NRIP1: variants seen among roughly 807,000 people sequenced by gnomAD.
NRIP1 encodes nuclear receptor interacting protein 1.
NRIP1 carries 28 observed loss-of-function variants against 75.0 expected under a neutral mutation model. That is an observed-to-expected ratio of 0.37 (90% confidence interval 0.28 to 0.51). NRIP1 has a LOEUF of 0.51. Ranked by LOEUF, NRIP1 falls within the 20% of genes least tolerant of loss-of-function variation. The pLI, the probability that NRIP1 is intolerant of heterozygous loss-of-function variation, is 0.92. For missense variants in NRIP1, 1,435 were observed against 1,343.7 expected (o/e 1.07, Z -1.06); for synonymous variants, 526 against 487.6 (o/e 1.08, Z -1.04).
At chr21:15,048,878 C>T (rs542250430) in intron 1 of NRIP1, among the ~76,000 whole-genome samples, 147 of 152,264 alleles carry the variant, frequency 9.7e-4, no homozygotes, top group African/African-American at 3.4e-3. Context: ...TGTGGCAGCA[C>T]CTTTTCCATC....
At chr21:14,970,635 A>C (rs943876632) in intron 3 of NRIP1, among the ~76,000 whole-genome samples, 1 of 152,220 alleles carries the variant, frequency 6.6e-6, no homozygotes, top group African/African-American at 2.4e-5. Context: ...GGGATATGCA[A>C]GTCCACTGTA....
In NRIP1 at chr21:15,021,704, GA is replaced by G. The variant is rs199588973; in HGVS notation, c.-457-7239del. ...ACAAAGAGTTTAAATAAATTTACAA[GA>G]AAAAAAACATTAAAAGGTGAACAAA... is the stretch of plus-strand genomic sequence containing the variant. On this transcript the variant is annotated intron_variant, in intron 2 of 3. Transcript: ENST00000318948. Among the ~76,000 whole-genome samples, 258 of 147,480 alleles carry G rather than the reference GA, an allele frequency of 1.7e-3. 7 individuals carry two copies. The East Asian group carries it at 0.03, about 17-fold the overall frequency.
chr21:14,980,394 A>T (rs2087199720), intron 3 of NRIP1, among the ~76,000 whole-genome samples: 1 of 152,070 alleles, frequency 6.6e-6, no homozygotes, highest in South Asian at 2.1e-4. Context: ...GAATCGCTTA[A>T]ACCTGGAAGG....
chr21:14,982,376 T>C (rs993073819), intron 3 of NRIP1, among the ~76,000 whole-genome samples: 5 of 152,076 alleles, frequency 3.3e-5, no homozygotes, highest in African/African-American at 1.2e-4. Flanking sequence ...TTAGTGCCCT[T>C]CCCCCCATAT....
chr21:14,975,790 T>G (rs2087048621), intron 3 of NRIP1, among the ~76,000 whole-genome samples: 1 of 152,094 alleles, frequency 6.6e-6, no homozygotes, highest in Admixed American at 6.6e-5. Context: ...TTTAGCCTTT[T>G]TTTTAAAGGA....
chr21:14,986,418 T>C (rs1464844909), intron 3 of NRIP1, among the ~76,000 whole-genome samples: 2 of 152,214 alleles, frequency 1.3e-5, no homozygotes, highest in Non-Finnish European at 2.9e-5. Context: ...TTTACCATAT[T>C]AGCATGTTAC....
chr21:15,020,258 T>C (rs370855516), intron 2 of NRIP1, among the ~76,000 whole-genome samples: 1 of 152,172 alleles, frequency 6.6e-6, no homozygotes, highest in African/African-American at 2.4e-5. Context: ...AAGATACACA[T>C]ATAGACAATG....
chr21:14,998,810 A>G (rs765567689), intron 3 of NRIP1, among the ~76,000 whole-genome samples: 1 of 152,224 alleles, frequency 6.6e-6, no homozygotes, highest in Non-Finnish European at 1.5e-5. Flanking sequence ...TACCTATAAC[A>G]TATAAAATAC....
In NRIP1 at chr21:15,055,942, A is replaced by G. The variant is rs191769203; in HGVS notation, c.-538+8803T>C. On this transcript the variant is annotated intron_variant, in intron 1 of 3. Coordinates refer to ENST00000318948, the MANE Select transcript of NRIP1 (RefSeq NM_003489.4). ...CACATGGATCCCCTGGCAATTAAAA[A>G]AAAAGATGAATGAGATATTAAGAAA... Among the ~76,000 whole-genome samples, 202 of 152,304 alleles carry G rather than the reference A, an allele frequency of 1.3e-3. 1 individual carries two copies. Among genetic ancestry groups the G allele is most frequent in the African/African-American group, 4.7e-3 (196 of 41,586 alleles).
chr21:15,048,828 T>A (rs1192210709), intron 1 of NRIP1, among the ~76,000 whole-genome samples: 1 of 152,206 alleles, frequency 6.6e-6, no homozygotes, highest in African/African-American at 2.4e-5. Flanking sequence ...AAAAGTAGAA[T>A]GTGTGTAATT....
chr21:14,971,383 T>C (rs2086898853), intron 3 of NRIP1: 1 of 152,236 alleles, frequency 6.6e-6, no homozygotes, highest in Non-Finnish European at 1.5e-5. Flanking sequence ...CCACACACTG[T>C]AGTTCATCAC....
chr21:15,040,124 C>T (rs974001533), intron 2 of NRIP1, among the ~76,000 whole-genome samples: 1 of 152,174 alleles, frequency 6.6e-6, no homozygotes, highest in East Asian at 1.9e-4. Flanking sequence ...CTACTGTGCA[C>T]TTGAAAGATG....
At chr21:14,979,950 T>C (rs1265553280) in intron 3 of NRIP1, among the ~76,000 whole-genome samples, 1 of 152,202 alleles carries the variant, frequency 6.6e-6, no homozygotes, top group Non-Finnish European at 1.5e-5. Context: ...GAATAGATAA[T>C]GCTCTCTCAT....
chr21:15,061,962 A>G (rs1236316828), intron 1 of NRIP1, among the ~76,000 whole-genome samples: 4 of 152,202 alleles, frequency 2.6e-5, no homozygotes, highest in Non-Finnish European at 5.9e-5. Flanking sequence ...CTCATCTGTC[A>G]CCTTCTATCA....
chr21:14,974,611 T>G (rs1205193197), intron 3 of NRIP1, among the ~76,000 whole-genome samples: 2 of 152,256 alleles, frequency 1.3e-5, no homozygotes, highest in East Asian at 3.9e-4. Context: ...CCAAAAATCA[T>G]AAAAGATGAA....
chr21:15,012,201 A>G (rs1235229088), intron 3 of NRIP1, among the ~76,000 whole-genome samples: 1 of 152,176 alleles, frequency 6.6e-6, no homozygotes, highest in Non-Finnish European at 1.5e-5. Flanking sequence ...TGGTTAATGA[A>G]AGGCATATTG....
intron 3 of NRIP1, chr21:14,971,395 T>A (rs1266817682): frequency 6.6e-6 from 1 of 152,228 alleles, no homozygotes; most frequent in African/African-American, 2.4e-5. Context: ...GTTCATCACT[T>A]GAAGGAATCA....
intron 3 of NRIP1, among the ~76,000 whole-genome samples, chr21:14,997,016 G>A (rs1037808581): frequency 6.6e-6 from 1 of 151,916 alleles, no homozygotes; most frequent in Admixed American, 6.6e-5. Context: ...CAAATCATAA[G>A]GCATTTCGGA....
chr21:14,984,365 G>A (rs1033069855), intron 3 of NRIP1, among the ~76,000 whole-genome samples: 9 of 142,726 alleles, frequency 6.3e-5, no homozygotes. Context: ...GAGTTGTTGC[G>A]GGTTTTTTTT....
Sources: gnomAD v4.1 joint callset for allele counts (sites outside exome capture counted in the v4.1 genomes callset) on GRCh38, gnomAD v4.1.1 for gene constraint, MANE v1.5 for transcripts, NCBI Gene and HGNC (gene_info 2026-07-23, HGNC 2026-07-21) for gene names.